Variants in PPM1E observed in about 807,000 individuals in gnomAD.
PPM1E encodes the protein protein phosphatase, Mg2+/Mn2+ dependent 1E.
Under a neutral mutation model 65.9 loss-of-function variants are expected in PPM1E, and 20 were observed. The observed-to-expected ratio is 0.30, with a 90% CI of 0.21 to 0.44. The LOEUF (loss-of-function observed/expected upper bound fraction) is 0.44, where lower values mean the gene tolerates loss of function less well. Ranked by LOEUF, PPM1E falls within the 20% of genes least tolerant of loss-of-function variation. The probability of loss-of-function intolerance (pLI) is 1.00; values close to 1 mark genes in which losing one functional copy is unlikely to be tolerated. For synonymous variants in PPM1E, 352 were observed against 374.9 expected (o/e 0.94, Z 0.70); for missense variants, 713 against 953.1 (o/e 0.75, Z 3.32).
chr17:58,793,967 C>T (rs147688339), intron 1 of PPM1E, among the ~76,000 whole-genome samples: 1 of 152,240 alleles, frequency 6.6e-6, no homozygotes, highest in East Asian at 1.9e-4. Context: ...TCTCAGCCTC[C>T]TGAGTAGCTG....
intron 5 of PPM1E, 134 bp downstream of exon 5, chr17:58,972,409 G>T (rs2030693323): frequency 1.0e-6 from 1 of 983,436 alleles, no homozygotes. Context: ...GGAGTGCAAT[G>T]GTGTGATCTT....
intron 1 of PPM1E, among the ~76,000 whole-genome samples, chr17:58,867,702 G>A (rs2051021274): frequency 6.6e-6 from 1 of 152,068 alleles, no homozygotes. Context: ...AATATAAATT[G>A]CAATTAAAAG....
chr17:58,774,485 C>T (rs1218739294), intron 1 of PPM1E, among the ~76,000 whole-genome samples: 1 of 151,950 alleles, frequency 6.6e-6, no homozygotes, highest in Non-Finnish European at 1.5e-5. Flanking sequence ...AAATAAAGCA[C>T]CATGGTTTTA....
chr17:58,831,202 G>A (rs2050602850), intron 1 of PPM1E, among the ~76,000 whole-genome samples: 1 of 151,646 alleles, frequency 6.6e-6, no homozygotes, highest in African/African-American at 2.4e-5. Flanking sequence ...AGTAGAGATG[G>A]GGTTTCACTG....
intron 1 of PPM1E, among the ~76,000 whole-genome samples, chr17:58,817,852 C>T (rs980802589): frequency 2.6e-5 from 4 of 151,888 alleles, no homozygotes; most frequent in Admixed American, 2.0e-4. Flanking sequence ...CCTGAGTTCA[C>T]GCCATTCTCC....
rs1472418716 is a variant in PPM1E, at chr17:58,982,351, A to C, written c.*1320A>C. On this transcript the variant is annotated 3_prime_UTR_variant, in exon 7 of 7. Coordinates refer to ENST00000308249, the MANE Select transcript of PPM1E (RefSeq NM_014906.5). The stretch of plus-strand genomic sequence containing the variant: ...ACTATCAGATTCATTCATTCAGTGA[A>C]GCAGCCTCTGATTCTCTAAGAGTCA... 1 of 152,286 alleles carries C rather than the reference A, an allele frequency of 6.6e-6. No homozygotes were observed. The highest frequency in any genetic ancestry group is 1.5e-5 in the Non-Finnish European group (1 of 68,080). The allele number at this position is 152,286 out of a possible 1,614,324, so 9.4% of individuals were successfully genotyped here. A position where few individuals can be genotyped will look rare whatever the true frequency, so the allele number is the denominator to read the frequency against.
In PPM1E at chr17:58,937,652, G is replaced by A. The variant is rs191148207; in HGVS notation, c.465-17997G>A. Among the ~76,000 whole-genome samples the A allele has an allele frequency of 4.8e-3, 721 of 149,070 alleles. 2 individuals are homozygous for A. Among genetic ancestry groups the A allele is most frequent in the African/African-American group, 0.017 (700 of 40,966 alleles). Reference sequence around the variant, plus strand: ...AGCACTTTGGGAGGCCGAAGTGGGTGGATAACAAGGTTAGGAGCTCGAGAC... The same window carrying A: ...AGCACTTTGGGAGGCCGAAGTGGGTAGATAACAAGGTTAGGAGCTCGAGAC... On this transcript the variant is annotated intron_variant, in intron 1 of 6. Coordinates refer to ENST00000308249, the MANE Select transcript of PPM1E (RefSeq NM_014906.5).
At chr17:58,967,823 C>A (rs12948039) in intron 3 of PPM1E, among the ~76,000 whole-genome samples, 1 of 146,956 alleles carries the variant, frequency 6.8e-6, no homozygotes, top group Non-Finnish European at 1.5e-5. Context: ...TTTTTTGAAA[C>A]GGAGTCTCGC....
At chr17:58,905,863 C>T (rs944509132) in intron 1 of PPM1E, among the ~76,000 whole-genome samples, 1 of 152,084 alleles carries the variant, frequency 6.6e-6, no homozygotes, top group Non-Finnish European at 1.5e-5. Flanking sequence ...CAGAGAATGA[C>T]TTCTATCTTC....
intron 1 of PPM1E, among the ~76,000 whole-genome samples, chr17:58,881,858 A>G (rs1016742507): frequency 6.6e-5 from 10 of 151,418 alleles, no homozygotes; most frequent in Admixed American, 5.3e-4. Context: ...AGAAAAGGAA[A>G]GAAAAGAAAA....
Position 58,756,355 on chromosome 17 carries a change from C to A in PPM1E, c.358C>A (p.Gln120Lys). The change falls in exon 1 of 7, where the codon CAG (glutamine) becomes AAG (lysine). Residue 120 changes from glutamine (Q) to lysine (K), a missense_variant. Gln to Lys is a moderately conservative substitution (Grantham distance 53). This residue lies in a region of PPM1E where 212 missense variants were observed against 204.0 expected (regional missense o/e 1.04). Coordinates refer to ENST00000308249, the MANE Select transcript of PPM1E (RefSeq NM_014906.5). ...CTCGGCCGTGCCGCCGCCGCCGCCC[C>A]AGCTGCCGCCTTTGCCCCCGCTCCC... is the stretch of plus-strand genomic sequence containing the variant. Reference protein sequence around the residue: ...GHSAVPPPPPQLPPLPPLPRP... With the variant: ...GHSAVPPPPPKLPPLPPLPRP... 7.3e-7 allele frequency: 1 copy of A among 1,378,400 alleles called. No homozygotes were observed. 85.4% of individuals were successfully genotyped at this position (1,378,400 alleles called of 1,614,324 possible).
At chr17:58,789,081 G>A (rs193246004) in intron 1 of PPM1E, among the ~76,000 whole-genome samples, 1 of 152,138 alleles carries the variant, frequency 6.6e-6, no homozygotes, top group African/African-American at 2.4e-5. Flanking sequence ...TACATAAAAT[G>A]TACATCTGTT....
In PPM1E at chr17:58,984,236, C is replaced by G. The variant is rs2031582350; in HGVS notation, c.*3205C>G. ...TGTCAACACTGAGTCTAATTTTGAC[C>G]ACATTTATAGTGGTATAGTGTCAAT... On this transcript the variant is annotated 3_prime_UTR_variant, in exon 7 of 7. Transcript: ENST00000308249. 6.6e-6 allele frequency: 1 copy of G among 152,494 alleles called. No individual in the cohort carries two copies. The highest frequency in any genetic ancestry group is 2.4e-5 in the African/African-American group (1 of 41,400). 9.4% of individuals were successfully genotyped at this position (152,494 alleles called of 1,614,324 possible). A position where few individuals can be genotyped will look rare whatever the true frequency, so the allele number is the denominator to read the frequency against.
At chr17:58,821,018 G>A (rs2050474149) in intron 1 of PPM1E, among the ~76,000 whole-genome samples, 1 of 152,020 alleles carries the variant, frequency 6.6e-6, no homozygotes, top group African/African-American at 2.4e-5. Flanking sequence ...TAAAGTATAA[G>A]TGATAAGTTG....
chr17:58,768,146 T>G (rs1367067806), intron 1 of PPM1E, among the ~76,000 whole-genome samples: 1 of 152,108 alleles, frequency 6.6e-6, no homozygotes, highest in Non-Finnish European at 1.5e-5. Context: ...GAGATGGGGT[T>G]TCACCATGTT....
intron 1 of PPM1E, among the ~76,000 whole-genome samples, chr17:58,838,744 T>G (rs1228675563): frequency 6.6e-6 from 1 of 152,204 alleles, no homozygotes; most frequent in African/African-American, 2.4e-5. Context: ...TACAGCAGCT[T>G]TATTCATAAC....
intron 1 of PPM1E, among the ~76,000 whole-genome samples, chr17:58,780,505 A>G (rs1055076956): frequency 6.6e-6 from 1 of 152,160 alleles, no homozygotes; most frequent in African/African-American, 2.4e-5. Flanking sequence ...ATTTGAATGT[A>G]TTGGCTTGGC....
intron 1 of PPM1E, among the ~76,000 whole-genome samples, chr17:58,888,745 A>G (rs1318121502): frequency 1.3e-5 from 2 of 152,172 alleles, no homozygotes; most frequent in African/African-American, 4.8e-5. Flanking sequence ...AACTTTTGGC[A>G]TTGTCAACCT....
chr17:58,972,413 T>A, intron 5 of PPM1E, 138 bp downstream of exon 5: 1 of 930,238 alleles, frequency 1.1e-6, no homozygotes, highest in Non-Finnish European at 1.5e-6. Context: ...TGCAATGGTG[T>A]GATCTTGGCT....
Sources: gnomAD v4.1 joint callset for allele counts (sites outside exome capture counted in the v4.1 genomes callset) on GRCh38, gnomAD v4.1.1 for gene constraint, gnomAD v4.1.1 regional missense constraint, MANE v1.5 for transcripts, NCBI Gene and HGNC (gene_info 2026-07-23, HGNC 2026-07-21) for gene names.